The following EYS variants were observed in gnomAD, a reference collection of about 807,000 sequenced individuals.
The protein encoded by EYS is EGF-like photoreceptor maintenance factor.
A neutral mutation model predicts 282.1 loss-of-function variants in EYS; 250 were observed. That is an observed-to-expected ratio of 0.89 (90% CI 0.80 to 0.98). EYS has a LOEUF of 0.98. EYS is among the 50% of genes least tolerant of loss of function. EYS has a pLI of 0.00. For synonymous variants in EYS, 1,355 were observed against 1,282.9 expected, an observed-to-expected ratio of 1.06 and a Z score of -1.20; for missense variants, 4,016 against 3,709.0, an observed-to-expected ratio of 1.08 and a Z score of -2.15.
chr6:64,547,702 A>G (rs116732495), intron 26 of EYS, among the ~76,000 whole-genome samples: 7,809 of 152,294 alleles, frequency 0.051, 460 homozygotes, highest in African/African-American at 0.13. Flanking sequence ...GGAGTTGCCT[A>G]CCAGTCCTGC....
intron 29 of EYS, among the ~76,000 whole-genome samples, chr6:64,359,963 C>T (rs1229211936): frequency 6.6e-6 from 1 of 151,660 alleles, no homozygotes; most frequent in Non-Finnish European, 1.5e-5. Context: ...AATCCAGTCA[C>T]TATTTGGAAA....
intron 22 of EYS, among the ~76,000 whole-genome samples, chr6:64,760,293 T>A (rs1301207337): frequency 1.3e-5 from 2 of 152,120 alleles, no homozygotes; most frequent in Non-Finnish European, 2.9e-5. Context: ...TCAGATATTA[T>A]CTTGTATATA....
intron 28 of EYS, among the ~76,000 whole-genome samples, chr6:64,389,519 C>T (rs1773030290): frequency 6.6e-6 from 1 of 152,126 alleles, no homozygotes; most frequent in African/African-American, 2.4e-5. Context: ...CAAATCTTGC[C>T]TGTCATCTCT....
intron 13 of EYS, among the ~76,000 whole-genome samples, chr6:65,016,380 G>A (rs1448535027): frequency 3.3e-5 from 5 of 152,116 alleles, no homozygotes; most frequent in African/African-American, 4.8e-5. Context: ...GGATATAGAT[G>A]TTTACAAAAA....
At chr6:65,045,932 C>A (rs892046827) in intron 13 of EYS, among the ~76,000 whole-genome samples, 1 of 151,724 alleles carries the variant, frequency 6.6e-6, no homozygotes, top group Non-Finnish European at 1.5e-5. Flanking sequence ...TATTAACAAC[C>A]TTTCTTATAT....
chr6:64,512,738 G>A (rs1350501523), intron 26 of EYS, among the ~76,000 whole-genome samples: 1 of 151,768 alleles, frequency 6.6e-6, no homozygotes. Flanking sequence ...TTTCCTAGAG[G>A]AAATAGTAAA....
At position 65,116,241 on chromosome 6, in the gene EYS, G is replaced by C. The variant is rs79031694; in HGVS notation, c.2024-58514C>G. Among the ~76,000 whole-genome samples the C allele has an allele frequency of 8.5e-5, 13 of 152,210 alleles. No homozygotes were observed. In the East Asian group the frequency reaches 2.5e-3, roughly 29 times the overall value. On this transcript the variant is annotated intron_variant, in intron 12 of 42. Coordinates refer to ENST00000503581, the MANE Select transcript of EYS (RefSeq NM_001142800.2). Reference sequence around the variant, plus strand: ...AATATGCCAAACATTCATAAGCTCAGTATGACTCTATTACCAACCATAGCA... The same window carrying C: ...AATATGCCAAACATTCATAAGCTCACTATGACTCTATTACCAACCATAGCA...
intron 32 of EYS, among the ~76,000 whole-genome samples, chr6:64,070,398 TAGAA>T (rs1476232888): frequency 1.3e-5 from 2 of 152,138 alleles, no homozygotes; most frequent in East Asian, 1.9e-4. Flanking sequence ...CAGAAAATGT[TAGAA>T]AGCTCTCAAG....
chr6:65,348,358 A>G (rs962216416), intron 9 of EYS, among the ~76,000 whole-genome samples: 1 of 151,778 alleles, frequency 6.6e-6, no homozygotes, highest in African/African-American at 2.4e-5. Context: ...CCAACAGTGT[A>G]CAAGGGTTCC....
intron 22 of EYS, among the ~76,000 whole-genome samples, chr6:64,676,437 C>T (rs189628163): frequency 1.3e-5 from 2 of 150,458 alleles, no homozygotes; most frequent in African/African-American, 4.9e-5. Flanking sequence ...TTATTATCTA[C>T]GTTTCTGACC....
chr6:63,992,095 A>G (rs1215810621), intron 34 of EYS, among the ~76,000 whole-genome samples: 1 of 151,852 alleles, frequency 6.6e-6, no homozygotes, highest in African/African-American at 2.4e-5. Context: ...ATGCTAAAGG[A>G]AGTTTTTCCA....
chr6:64,081,147 G>A (rs1195240150), intron 32 of EYS, among the ~76,000 whole-genome samples: 3 of 152,080 alleles, frequency 2.0e-5, no homozygotes, highest in African/African-American at 4.8e-5. Flanking sequence ...CTGTCCAAGG[G>A]ATAATCTGTT....
At chr6:65,703,475 C>T (rs1769757871) in intron 1 of EYS, among the ~76,000 whole-genome samples, 1 of 151,788 alleles carries the variant, frequency 6.6e-6, no homozygotes, top group African/African-American at 2.4e-5. Context: ...TGCATATTAA[C>T]TTATAAAATA....
intron 22 of EYS, among the ~76,000 whole-genome samples, chr6:64,781,993 C>T (rs546843805): frequency 6.6e-6 from 1 of 152,228 alleles, no homozygotes; most frequent in Admixed American, 6.5e-5. Flanking sequence ...TGTTTCCTGG[C>T]TATGCCATTT....
intron 35 of EYS, among the ~76,000 whole-genome samples, chr6:63,921,945 A>AT (rs1764584326): frequency 6.6e-6 from 1 of 152,196 alleles, no homozygotes; most frequent in African/African-American, 2.4e-5. Flanking sequence ...TCGTAAGGAG[A>AT]TAAAGTTAAA....
chr6:65,400,644 A>C (rs981230875), intron 7 of EYS, among the ~76,000 whole-genome samples: 3 of 151,974 alleles, frequency 2.0e-5, no homozygotes, highest in Non-Finnish European at 2.9e-5. Context: ...GTACCAAATA[A>C]AAATTTCCAT....
At chr6:64,404,445 AGGGAAAGCCT>A (rs1449488000) in intron 28 of EYS, among the ~76,000 whole-genome samples, 2 of 152,092 alleles carry the variant, frequency 1.3e-5, no homozygotes, top group Non-Finnish European at 2.9e-5. Flanking sequence ...AAGAGGAAAT[AGGGAAAGCCT>A]GGTCTTTGGA....
intron 13 of EYS, among the ~76,000 whole-genome samples, chr6:65,042,983 C>T (rs1005846762): frequency 6.6e-6 from 1 of 151,312 alleles, no homozygotes; most frequent in African/African-American, 2.4e-5. Context: ...TATTAAATTT[C>T]CTGAGGGTCA....
At chr6:63,869,799 A>T (rs1048824617) in intron 35 of EYS, among the ~76,000 whole-genome samples, 1 of 152,192 alleles carries the variant, frequency 6.6e-6, no homozygotes, top group Non-Finnish European at 1.5e-5. Flanking sequence ...TACAAAGAGA[A>T]GTGGGTTGGG....
Sources: gnomAD v4.1 joint callset for allele counts (sites outside exome capture counted in the v4.1 genomes callset) on GRCh38, gnomAD v4.1.1 for gene constraint, MANE v1.5 for transcripts, NCBI Gene and HGNC (gene_info 2026-07-23, HGNC 2026-07-21) for gene names.